Variants in SLC25A48 observed in about 807,000 individuals in gnomAD.
SLC25A48 encodes CTC-321K16.1.
SLC25A48 carries 29 observed loss-of-function variants against 32.2 expected under a neutral mutation model. The ratio of observed to expected loss-of-function variants is 0.90; its 90% CI spans 0.67 to 1.23. The LOEUF is 1.23. SLC25A48 is among the 50% of genes most tolerant of loss of function. SLC25A48 has a pLI of 0.00. For missense variants in SLC25A48, 399 were observed against 422.7 expected, an observed-to-expected ratio of 0.94 and a Z score of 0.49; for synonymous variants, 164 against 172.3, an observed-to-expected ratio of 0.95 and a Z score of 0.38.
chr5:135,668,310 G>A (rs1265828236), intron 3 of SLC25A48, among the ~76,000 whole-genome samples: 6 of 152,142 alleles, frequency 3.9e-5, no homozygotes, highest in East Asian at 1.9e-4. Flanking sequence ...ATTTATATAC[G>A]CAGCAAAGTT....
At chr5:135,746,588 G>T (rs924641061) in intron 3 of SLC25A48, among the ~76,000 whole-genome samples, 1 of 152,168 alleles carries the variant, frequency 6.6e-6, no homozygotes, top group East Asian at 1.9e-4. Flanking sequence ...AACCTTGGGC[G>T]GAGCGACTGG....
At chr5:135,835,982 T>C (rs1397423438) in intron 1 of SLC25A48, among the ~76,000 whole-genome samples, 1 of 152,202 alleles carries the variant, frequency 6.6e-6, no homozygotes, top group Admixed American at 6.5e-5. Context: ...CTCTCCTAAC[T>C]TTCCCAGTTA....
intron 3 of SLC25A48, among the ~76,000 whole-genome samples, chr5:135,673,737 TTTTG>T (rs1293051766): frequency 6.6e-6 from 1 of 152,102 alleles, no homozygotes; most frequent in Non-Finnish European, 1.5e-5. Context: ...TATTGTGCTT[TTTTG>T]TTTGTGTTTT....
chr5:135,841,745 T>C (rs1325728050), intron 1 of SLC25A48, among the ~76,000 whole-genome samples: 1 of 152,170 alleles, frequency 6.6e-6, no homozygotes, highest in Non-Finnish European at 1.5e-5. Flanking sequence ...TAAGGATTAC[T>C]TCATTAAGTA....
chr5:135,843,448 G>C (rs1384185911), intron 2 of SLC25A48, among the ~76,000 whole-genome samples: 2 of 152,218 alleles, frequency 1.3e-5, no homozygotes, highest in East Asian at 3.8e-4. Flanking sequence ...AGGAGTGAGG[G>C]AGGCAGGCAA....
At chr5:135,761,960 G>A (rs922151475) in intron 3 of SLC25A48, among the ~76,000 whole-genome samples, 2 of 152,198 alleles carry the variant, frequency 1.3e-5, no homozygotes, top group African/African-American at 2.4e-5. Flanking sequence ...TCCATGGGCT[G>A]GAAAGGGACT....
In SLC25A48 at chr5:135,883,025, G is replaced by A. The variant is rs541921732; in HGVS notation, c.*7+2928G>A. On this transcript the variant is annotated intron_variant, in intron 7 of 7. Coordinates refer to ENST00000681962, the MANE Select transcript of SLC25A48 (RefSeq NM_001349336.2). ...CAAGATCCAAGATTTCAAGACTCCC[G>A]TTAGAAGATGTTCTTGTCTTTCCTC... 2.9e-4 allele frequency: 284 copies of A among 985,202 alleles called. No individual in the cohort carries two copies. In the African/African-American group the frequency reaches 4.1e-3, roughly 14 times the overall value. The allele number at this position is 985,202 out of a possible 1,614,324, so 61.0% of individuals were successfully genotyped here.
At chr5:135,593,167 C>G (rs544870051) in intron 1 of SLC25A48, among the ~76,000 whole-genome samples, 1 of 152,308 alleles carries the variant, frequency 6.6e-6, no homozygotes, top group East Asian at 1.9e-4. Context: ...CACACCCCTC[C>G]TTTCTGATTG....
rs185988476 is a variant in SLC25A48 at position 135,880,026 on chromosome 5, T to C, written c.872T>C (p.Met291Thr). Residue 291 changes from methionine to threonine, a missense_variant, in exon 7 of 8, where the codon ATG becomes ACG. Transcript: ENST00000681962. The part of the protein sequence containing the change: ...AVRGFPMSAA[M>T]FLGYELSLQA... The stretch of plus-strand genomic sequence containing the variant: ...CGGGGCTTCCCCATGAGTGCGGCCA[T>C]GTTCCTTGGGTACGAGCTGTCGCTG... The C allele has an allele frequency of 4.6e-6, 7 of 1,536,346 alleles. No individual in the cohort carries two copies. The Admixed American group carries it at 5.9e-5, about 13-fold the overall frequency.
intron 1 of SLC25A48, among the ~76,000 whole-genome samples, chr5:135,610,589 A>G (rs138048978): frequency 2.6e-3 from 398 of 152,306 alleles, no homozygotes; most frequent in African/African-American, 8.9e-3. Flanking sequence ...TAGAAAGCCA[A>G]TTGAATTATT....
At chr5:135,653,849 A>G (rs961574045) in intron 3 of SLC25A48, 2 of 456,246 alleles carry the variant, frequency 4.4e-6, no homozygotes, top group Admixed American at 2.3e-5. Context: ...AACCTCCAGG[A>G]CTGAGTTGTT....
intron 3 of SLC25A48, among the ~76,000 whole-genome samples, chr5:135,723,389 C>A (rs1755014201): frequency 1.2e-5 from 1 of 80,054 alleles, no homozygotes; most frequent in Admixed American, 1.2e-4. Context: ...CTCACACACA[C>A]ACACACACAC....
At chr5:135,736,312 A>C (rs993383888) in intron 3 of SLC25A48, among the ~76,000 whole-genome samples, 3 of 152,168 alleles carry the variant, frequency 2.0e-5, no homozygotes, top group Non-Finnish European at 2.9e-5. Flanking sequence ...GGTGAAATTG[A>C]AAGTGCCGTT....
chr5:135,772,580 A>C (rs1186055485), intron 3 of SLC25A48, among the ~76,000 whole-genome samples: 1 of 151,652 alleles, frequency 6.6e-6, no homozygotes, highest in Non-Finnish European at 1.5e-5. Context: ...TATTACTCCC[A>C]ATATCGCAGG....
At chr5:135,589,730 T>A (rs923600790) in intron 1 of SLC25A48, among the ~76,000 whole-genome samples, 1 of 152,218 alleles carries the variant, frequency 6.6e-6, no homozygotes, top group Non-Finnish European at 1.5e-5. Flanking sequence ...AGTCTCACTC[T>A]GTCTCCCAGG....
chr5:135,677,670 T>C (rs972716663), intron 3 of SLC25A48, among the ~76,000 whole-genome samples: 3 of 152,196 alleles, frequency 2.0e-5, no homozygotes, highest in African/African-American at 7.2e-5. Context: ...CACTTCCAGG[T>C]TTAGGACTCC....
At chr5:135,701,961 T>C (rs1164724039) in intron 3 of SLC25A48, among the ~76,000 whole-genome samples, 1 of 152,262 alleles carries the variant, frequency 6.6e-6, no homozygotes, top group African/African-American at 2.4e-5. Flanking sequence ...TTTATATATT[T>C]ATCTCTTTAA....
intron 3 of SLC25A48, among the ~76,000 whole-genome samples, chr5:135,653,354 G>A (rs893208723): frequency 6.6e-6 from 1 of 152,158 alleles, no homozygotes; most frequent in South Asian, 2.1e-4. Flanking sequence ...TTCTGGAACC[G>A]AGGAGATTCT....
intron 1 of SLC25A48, among the ~76,000 whole-genome samples, chr5:135,597,187 G>T (rs74482258): frequency 0.058 from 8,867 of 152,246 alleles, 338 homozygotes; most frequent in African/African-American, 0.1. Context: ...ATAGAGTAGT[G>T]CCAGGCACAT....
Sources: allele counts gnomAD v4.1 joint callset (sites outside exome capture counted in the v4.1 genomes callset), GRCh38; gene constraint gnomAD v4.1.1; transcripts MANE v1.5; gene names NCBI Gene and HGNC (gene_info 2026-07-23, HGNC 2026-07-21).